Variants in SMCO2 observed in about 807,000 individuals in gnomAD.
The protein encoded by SMCO2 is single-pass membrane and coiled-coil domain-containing protein 2.
Under a neutral mutation model 29.5 loss-of-function variants are expected in SMCO2, and 25 were observed. The observed-to-expected ratio is 0.85, with a 90% confidence interval of 0.62 to 1.18. The LOEUF (loss-of-function observed/expected upper bound fraction) is 1.18, where lower values mean the gene tolerates loss of function less well. Among genes scored for constraint, SMCO2 ranks in the 50% most tolerant of loss-of-function variants. SMCO2 has a pLI of 0.00. For missense variants in SMCO2, 348 were observed against 344.5 expected, an observed-to-expected ratio of 1.01 and a Z score of -0.08; for synonymous variants, 117 against 123.3, an observed-to-expected ratio of 0.95 and a Z score of 0.34.
chr12:27,492,458 G>T (rs1942929848), intron 5 of SMCO2, among the ~76,000 whole-genome samples: 1 of 152,180 alleles, frequency 6.6e-6, no homozygotes, highest in African/African-American at 2.4e-5. Flanking sequence ...AGCACTTTGG[G>T]GGGCCAAGAC....
At chr12:27,477,210 G>GTTTTTTTTTTTTTTTTTTTTTTTTTTTTT (rs770789669) in intron 4 of SMCO2, among the ~76,000 whole-genome samples, 1 of 62,668 alleles carries the variant, frequency 1.6e-5, no homozygotes, top group Non-Finnish European at 2.5e-5. Context: ...TGGCTGTCAG[G>GTTTTTTTTTTTTTTTTTTTTTTTTTTTTT]TTTTTTTTTT....
At chr12:27,441,626 G>C in the SMCO2 span, among the ~76,000 whole-genome samples, 1 of 152,140 alleles carries the variant, frequency 6.6e-6, no homozygotes, top group Non-Finnish European at 1.5e-5. Context: ...TACCATTATA[G>C]TGCGGGCTTT....
chr12:27,476,667 C>A (rs911835583), intron 4 of SMCO2, among the ~76,000 whole-genome samples: 2 of 151,638 alleles, frequency 1.3e-5, no homozygotes, highest in African/African-American at 2.4e-5. Context: ...CTAAGTATAG[C>A]CACTCCTGCT....
chr12:27,438,939 C>T, the SMCO2 span, among the ~76,000 whole-genome samples: 1 of 152,092 alleles, frequency 6.6e-6, no homozygotes, highest in African/African-American at 2.4e-5. Flanking sequence ...CTGCAATACC[C>T]CTTCCACCCC....
At chr12:27,432,299 C>A in the SMCO2 span, among the ~76,000 whole-genome samples, 4 of 152,006 alleles carry the variant, frequency 2.6e-5, no homozygotes, top group African/African-American at 9.7e-5. Context: ...GCTTTTGTTG[C>A]TTGTGCTTTT....
rs12580508 is a variant in SMCO2 at position 27,491,525 on chromosome 12, G to A, written c.451-2775G>A. Among the ~76,000 whole-genome samples, 11 of 152,198 alleles carry A rather than the reference G, an allele frequency of 7.2e-5. No individual in the cohort carries two copies. In the East Asian group the frequency reaches 2.1e-3, roughly 29 times the overall value. ...AAATAATTAAACCACCCAATTCAGG[G>A]ATTGATGATGAATAAACGTGTTAAA... On this transcript the variant is annotated intron_variant, in intron 5 of 7. Coordinates refer to ENST00000298876, the Ensembl canonical transcript of SMCO2.
chr12:27,474,822 C>G (rs140574119), exon 4 of SMCO2: 1 of 1,551,584 alleles, frequency 6.4e-7, no homozygotes, highest in Non-Finnish European at 8.7e-7. Context: ...TGACCAGGAC[C>G]TGAGTAAACA....
intron 4 of SMCO2, among the ~76,000 whole-genome samples, chr12:27,485,737 G>A (rs976500011): frequency 2.6e-5 from 4 of 152,102 alleles, no homozygotes; most frequent in African/African-American, 9.7e-5. Flanking sequence ...GTGAGCCACG[G>A]CACTCAGCCT....
At chr12:27,496,068 T>C (rs1439657966) in intron 7 of SMCO2, among the ~76,000 whole-genome samples, 1 of 150,480 alleles carries the variant, frequency 6.6e-6, no homozygotes, top group Non-Finnish European at 1.5e-5. Context: ...ATATATAGAT[T>C]GCTTTCTTAC....
chr12:27,423,376 C>G, the SMCO2 span: 1 of 127,416 alleles, frequency 7.8e-6, no homozygotes, highest in Admixed American at 1.0e-4. Context: ...ATCGCCCAGG[C>G]TGGAGTGCAG....
chr12:27,461,074 G>A, the SMCO2 span, among the ~76,000 whole-genome samples: 1 of 152,028 alleles, frequency 6.6e-6, no homozygotes, highest in Non-Finnish European at 1.5e-5. Context: ...ATGTTCACGT[G>A]CCTGATATAA....
intron 4 of SMCO2, among the ~76,000 whole-genome samples, 176 bp from the exon 6 acceptor site, chr12:27,488,284 T>C (rs995014861): frequency 6.6e-6 from 1 of 152,174 alleles, no homozygotes; most frequent in Non-Finnish European, 1.5e-5. Flanking sequence ...ATTATCTAGA[T>C]TACTTAGAGT....
chr12:27,475,968 G>T (rs1949582911), intron 4 of SMCO2, among the ~76,000 whole-genome samples: 1 of 152,100 alleles, frequency 6.6e-6, no homozygotes, highest in Non-Finnish European at 1.5e-5. Context: ...TTGTTTATTT[G>T]AAATCTTTCT....
At chr12:27,445,272 A>C in the SMCO2 span, among the ~76,000 whole-genome samples, 4 of 152,210 alleles carry the variant, frequency 2.6e-5, no homozygotes, top group African/African-American at 4.8e-5. Context: ...AAATATGGTA[A>C]ATTATACATG....
upstream of SMCO2, among the ~76,000 whole-genome samples, chr12:27,465,643 A>G (rs1592201238): frequency 6.6e-6 from 1 of 152,188 alleles, no homozygotes; most frequent in Admixed American, 6.5e-5. Context: ...CTTTGACAAC[A>G]TTTTTTGAGC....
At chr12:27,439,095 G>A in the SMCO2 span, among the ~76,000 whole-genome samples, 2 of 152,150 alleles carry the variant, frequency 1.3e-5, no homozygotes, top group Non-Finnish European at 2.9e-5. Flanking sequence ...CCCACAAGTA[G>A]CATTAGGACT....
In SMCO2 at chr12:27,501,423, A is replaced by AC. The variant is rs1316348255; in HGVS notation, c.684-500_684-499insC. 1.8e-3 allele frequency among the ~76,000 whole-genome samples: 253 copies of AC among 143,554 alleles called. 19 individuals carry two copies. Among genetic ancestry groups the AC allele is most frequent in the African/African-American group, 6.5e-3 (232 of 35,944 alleles). 94.2% of individuals were successfully genotyped at this position (143,554 alleles called of 152,430 possible). ...AGAGTGAGACTCCGTCTCAAAAAAA[A>AC]AAAAAAAAAAAAAACAAACAAACAA... On this transcript the variant is annotated intron_variant, in intron 7 of 7. Transcript: ENST00000298876.
chr12:27,474,680 A>G (rs1326393759), intron 3 of SMCO2, 106 bp from the exon 4 acceptor site: 31 of 1,283,526 alleles, frequency 2.4e-5, no homozygotes, highest in Admixed American at 2.2e-5. Context: ...CTCAGAGAGG[A>G]CTATGTGCTT....
chr12:27,461,090 T>C, the SMCO2 span, among the ~76,000 whole-genome samples: 1 of 152,186 alleles, frequency 6.6e-6, no homozygotes, highest in African/African-American at 2.4e-5. Context: ...TATAAAATGG[T>C]GTAGTATTTG....
Sources: allele counts gnomAD v4.1 joint callset (sites outside exome capture counted in the v4.1 genomes callset), GRCh38; gene constraint gnomAD v4.1.1; transcripts MANE v1.5; gene names NCBI Gene and HGNC (gene_info 2026-07-23, HGNC 2026-07-21).